DAB1: variants seen among roughly 807,000 people sequenced by gnomAD.
The protein encoded by DAB1 is disabled homolog 1.
DAB1 carries 15 observed loss-of-function variants against 64.6 expected under a neutral mutation model. That is an observed-to-expected ratio of 0.23 (90% CI 0.16 to 0.36). DAB1 has a LOEUF of 0.36. Ranked by LOEUF, DAB1 falls within the 10% of genes least tolerant of loss-of-function variation. The pLI, the probability that DAB1 is intolerant of heterozygous loss-of-function variation, is 1.00. For missense variants in DAB1, 596 were observed against 706.7 expected (o/e 0.84, Z 1.78); for synonymous variants, 235 against 251.9 (o/e 0.93, Z 0.64).
intron 1 of DAB1, among the ~76,000 whole-genome samples, chr1:57,381,283 T>TACCTGTC (rs1265119329): frequency 6.6e-6 from 1 of 152,184 alleles, no homozygotes; most frequent in Non-Finnish European, 1.5e-5. Flanking sequence ...ATGGATATGG[T>TACCTGTC]ACCTGTCAAA....
intron 3 of DAB1, among the ~76,000 whole-genome samples, chr1:58,379,025 G>T (rs1023018972): frequency 2.1e-4 from 32 of 151,086 alleles, no homozygotes; most frequent in African/African-American, 7.8e-4. Context: ...GCAATGCCTC[G>T]CCCTGCTTCG....
At chr1:57,948,476 T>C (rs1936404) in intron 5 of DAB1, among the ~76,000 whole-genome samples, 61,464 of 152,084 alleles carry the variant, frequency 0.4, 13,561 homozygotes, top group Admixed American at 0.51. Context: ...GACATCTATT[T>C]ATTTGTGTAG....
chr1:57,555,333 G>A (rs994578650), intron 7 of DAB1, among the ~76,000 whole-genome samples: 5 of 150,854 alleles, frequency 3.3e-5, no homozygotes, highest in Non-Finnish European at 4.4e-5. Context: ...CCACCTGGCC[G>A]GTATCTTTTT....
intron 7 of DAB1, among the ~76,000 whole-genome samples, chr1:57,524,783 T>G (rs1210742474): frequency 6.6e-6 from 1 of 152,198 alleles, no homozygotes; most frequent in Non-Finnish European, 1.5e-5. Context: ...CTTCAGTTAC[T>G]TCAGGCCATC....
chr1:57,543,977 A>T (rs997084641), intron 7 of DAB1, among the ~76,000 whole-genome samples: 7 of 152,084 alleles, frequency 4.6e-5, no homozygotes, highest in Admixed American at 2.0e-4. Flanking sequence ...GCATGGTGGC[A>T]TGGACCTGTA....
intron 4 of DAB1, among the ~76,000 whole-genome samples, chr1:58,305,307 C>T (rs1470014030): frequency 6.6e-6 from 1 of 152,138 alleles, no homozygotes; most frequent in Non-Finnish European, 1.5e-5. Flanking sequence ...AAAATATCTC[C>T]CAGAATCACA....
At chr1:57,333,132 A>T (rs1198850502) in intron 1 of DAB1, among the ~76,000 whole-genome samples, 1 of 152,126 alleles carries the variant, frequency 6.6e-6, no homozygotes, top group Non-Finnish European at 1.5e-5. Flanking sequence ...ATCTGTAATG[A>T]TCTGCTCATT....
intron 1 of DAB1, among the ~76,000 whole-genome samples, chr1:57,345,384 T>C (rs994752431): frequency 7.2e-5 from 11 of 152,148 alleles, no homozygotes; most frequent in African/African-American, 2.7e-4. Flanking sequence ...GATAACTGCC[T>C]TAGAGAAAAC....
chr1:57,440,363 C>G (rs1354447774), intron 7 of DAB1, among the ~76,000 whole-genome samples: 1 of 152,168 alleles, frequency 6.6e-6, no homozygotes, highest in Non-Finnish European at 1.5e-5. Flanking sequence ...GGTGATTCAG[C>G]CAATGTGGTC....
At chr1:57,995,803 T>C (rs1172528669) in intron 5 of DAB1, among the ~76,000 whole-genome samples, 1 of 151,918 alleles carries the variant, frequency 6.6e-6, no homozygotes, top group Non-Finnish European at 1.5e-5. Flanking sequence ...TAAATTGCTA[T>C]TGAGAGTCTC....
intron 6 of DAB1, among the ~76,000 whole-genome samples, chr1:57,816,412 G>A (rs2101890684): frequency 6.6e-6 from 1 of 152,248 alleles, no homozygotes; most frequent in African/African-American, 2.4e-5. Context: ...GGCTAATATG[G>A]ATAGAACAAC....
intron 5 of DAB1, among the ~76,000 whole-genome samples, chr1:58,117,844 T>TA (rs199678510): frequency 0.08 from 12,058 of 150,284 alleles, 660 homozygotes; most frequent in South Asian, 0.17. Context: ...CATGCTTTGT[T>TA]TTTTTTTTTA....
chr1:57,371,220 C>T (rs1159441252), intron 1 of DAB1, among the ~76,000 whole-genome samples: 4 of 152,208 alleles, frequency 2.6e-5, no homozygotes, highest in Non-Finnish European at 5.9e-5. Context: ...GAATTTCAAA[C>T]GAGGCAAAGT....
At chr1:57,519,735 C>G (rs11810273) in intron 7 of DAB1, among the ~76,000 whole-genome samples, 10,637 of 152,248 alleles carry the variant, frequency 0.07, 1,158 homozygotes, top group African/African-American at 0.23. Flanking sequence ...ATCCTATCTC[C>G]TACTGCACAT....
At chr1:57,992,365 C>T (rs1021685892) in intron 5 of DAB1, among the ~76,000 whole-genome samples, 2 of 152,142 alleles carry the variant, frequency 1.3e-5, no homozygotes, top group African/African-American at 4.8e-5. Flanking sequence ...AGGACTTGTG[C>T]ACTTTTTCAT....
intron 1 of DAB1, among the ~76,000 whole-genome samples, chr1:57,312,468 G>A (rs1262136487): frequency 6.6e-6 from 1 of 152,078 alleles, no homozygotes; most frequent in East Asian, 1.9e-4. Context: ...GTCCAAAGAG[G>A]GGACACATAA....
At chr1:57,892,226 G>A (rs1277811610) in intron 5 of DAB1, among the ~76,000 whole-genome samples, 1 of 152,138 alleles carries the variant, frequency 6.6e-6, no homozygotes, top group African/African-American at 2.4e-5. Flanking sequence ...ATGGGATTCT[G>A]CAGGACCTAT....
intron 6 of DAB1, among the ~76,000 whole-genome samples, chr1:57,817,267 G>A (rs751375784): frequency 6.6e-6 from 1 of 152,190 alleles, no homozygotes. Context: ...AAAGAGAGAA[G>A]GCAAAGATCC....
At chr1:57,669,201 T>C (rs1353360854) in intron 6 of DAB1, among the ~76,000 whole-genome samples, 1 of 152,084 alleles carries the variant, frequency 6.6e-6, no homozygotes, top group South Asian at 2.1e-4. Context: ...GAAAAAGTGC[T>C]GAGAAAGAAA....
Sources: gnomAD v4.1 joint callset for allele counts (sites outside exome capture counted in the v4.1 genomes callset) on GRCh38, gnomAD v4.1.1 for gene constraint, MANE v1.5 for transcripts, NCBI Gene and HGNC (gene_info 2026-07-23, HGNC 2026-07-21) for gene names.